The following CHN1 variants were observed in gnomAD, a reference collection of about 807,000 sequenced individuals.
The protein encoded by CHN1 is chimerin 1.
CHN1 carries 37 observed loss-of-function variants against 59.5 expected under a neutral mutation model. The observed-to-expected ratio is 0.62, with a 90% CI of 0.48 to 0.82. CHN1 has a LOEUF of 0.82. Among genes scored for constraint, CHN1 ranks in the 40% least tolerant of loss-of-function variants. The probability of loss-of-function intolerance (pLI) is 0.00; values close to 1 mark genes in which losing one functional copy is unlikely to be tolerated. For synonymous variants in CHN1, 206 were observed against 200.4 expected (o/e 1.03, Z -0.24); for missense variants, 469 against 571.0 (o/e 0.82, Z 1.82).
chr2:174,885,020 G>A (rs1428380467), intron 5 of CHN1, among the ~76,000 whole-genome samples: 1 of 151,968 alleles, frequency 6.6e-6, no homozygotes, highest in Non-Finnish European at 1.5e-5. Context: ...GGGCGCGGTG[G>A]CTCATGCCTG....
intron 5 of CHN1, among the ~76,000 whole-genome samples, chr2:174,904,957 C>T (rs1688501444): frequency 6.6e-6 from 1 of 152,144 alleles, no homozygotes; most frequent in Non-Finnish European, 1.5e-5. Context: ...CATGATCAAT[C>T]TCATGCATTT....
At chr2:174,866,921 T>C (rs1687234875) in intron 6 of CHN1, among the ~76,000 whole-genome samples, 1 of 152,130 alleles carries the variant, frequency 6.6e-6, no homozygotes, top group Non-Finnish European at 1.5e-5. Context: ...TAAATTTTTA[T>C]TAGTTATCCT....
chr2:174,822,998 A>T (rs1685552203), intron 8 of CHN1, among the ~76,000 whole-genome samples: 1 of 152,260 alleles, frequency 6.6e-6, no homozygotes, highest in Non-Finnish European at 1.5e-5. Context: ...TACTAAGGGA[A>T]TAATAACTGA....
chr2:174,922,176 AC>A (rs1689035397), intron 3 of CHN1, among the ~76,000 whole-genome samples: 1 of 152,164 alleles, frequency 6.6e-6, no homozygotes, highest in South Asian at 2.1e-4. Context: ...TTGAGAATAA[AC>A]CTTTGCTTAC....
intron 8 of CHN1, among the ~76,000 whole-genome samples, chr2:174,820,245 C>T (rs1685438259): frequency 1.3e-5 from 2 of 152,178 alleles, no homozygotes; most frequent in African/African-American, 4.8e-5. Context: ...AATCACCACA[C>T]TGACTTCTAC....
chr2:174,926,039 A>C (rs1689156841), intron 3 of CHN1, among the ~76,000 whole-genome samples: 1 of 152,216 alleles, frequency 6.6e-6, no homozygotes, highest in Non-Finnish European at 1.5e-5. Flanking sequence ...AAAAACTTTA[A>C]GTTAATCTAC....
intron 1 of CHN1, among the ~76,000 whole-genome samples, chr2:174,986,922 G>C (rs902099884): frequency 6.6e-6 from 1 of 152,032 alleles, no homozygotes; most frequent in African/African-American, 2.4e-5. Context: ...ATTTTTAGTA[G>C]AGACAGGGTT....
intron 1 of CHN1, among the ~76,000 whole-genome samples, chr2:174,963,653 C>T (rs140678626): frequency 8.9e-4 from 136 of 152,302 alleles, no homozygotes; most frequent in African/African-American, 3.0e-3. Flanking sequence ...CCACAAATAA[C>T]GCACTATGAG....
Position 174,899,229 on chromosome 2 carries a change from G to A in CHN1, c.260+15829C>T, listed in dbSNP as rs139804336. 2.3e-3 allele frequency among the ~76,000 whole-genome samples: 350 copies of A among 152,262 alleles called. 2 individuals carry two copies. The highest frequency in any genetic ancestry group is 8.1e-3 in the African/African-American group (337 of 41,538). Reference sequence around the variant, plus strand: ...AGGGCACTCAGGAGAAGACAGACACGATACATATGAATTAGAAAGAGTCAC... The same window carrying A: ...AGGGCACTCAGGAGAAGACAGACACAATACATATGAATTAGAAAGAGTCAC... On this transcript the variant is annotated intron_variant, in intron 5 of 12. Coordinates refer to ENST00000409900, the MANE Select transcript of CHN1 (RefSeq NM_001822.7).
chr2:174,875,588 G>C (rs1687543615), intron 6 of CHN1, among the ~76,000 whole-genome samples: 1 of 152,174 alleles, frequency 6.6e-6, no homozygotes, highest in South Asian at 2.1e-4. Flanking sequence ...TGTAGAACTA[G>C]AACATAGCTC....
intron 3 of CHN1, among the ~76,000 whole-genome samples, chr2:174,937,808 A>G (rs1322124600): frequency 6.6e-6 from 1 of 152,008 alleles, no homozygotes; most frequent in Non-Finnish European, 1.5e-5. Context: ...TTGCTCCCTC[A>G]GTTACCATGT....
chr2:174,821,527 A>C (rs763719448), intron 8 of CHN1, among the ~76,000 whole-genome samples: 2 of 152,362 alleles, frequency 1.3e-5, no homozygotes, highest in South Asian at 4.1e-4. Flanking sequence ...TATTAAGAGA[A>C]GGGACCTTTC....
chr2:174,842,124 C>A (rs1015701351), intron 7 of CHN1, among the ~76,000 whole-genome samples: 3 of 152,110 alleles, frequency 2.0e-5, no homozygotes, highest in African/African-American at 7.2e-5. Flanking sequence ...AACCAAAGGT[C>A]CCCCGCATGT....
intron 3 of CHN1, among the ~76,000 whole-genome samples, chr2:174,922,589 G>A (rs1244220261): frequency 1.4e-4 from 21 of 152,098 alleles, no homozygotes; most frequent in Admixed American, 1.4e-3. Context: ...TACTCAGGAG[G>A]CTGAGATGAG....
chr2:174,980,735 T>C (rs991001402), intron 1 of CHN1, among the ~76,000 whole-genome samples: 2 of 152,210 alleles, frequency 1.3e-5, no homozygotes, highest in Non-Finnish European at 2.9e-5. Context: ...TTTTTTTAAA[T>C]GTGTAGATTG....
At chr2:174,817,694 G>A (rs1425135274) in intron 8 of CHN1, among the ~76,000 whole-genome samples, 1 of 148,838 alleles carries the variant, frequency 6.7e-6, no homozygotes, top group East Asian at 2.0e-4. Flanking sequence ...CTGGAGTGCA[G>A]TGGCGCGATC....
intron 7 of CHN1, among the ~76,000 whole-genome samples, chr2:174,827,337 T>C (rs1685721234): frequency 6.6e-6 from 1 of 152,176 alleles, no homozygotes; most frequent in South Asian, 2.1e-4. Context: ...CTAAACACAG[T>C]GTGAAAATAT....
rs139219937 is a variant in CHN1 at position 174,996,633 on chromosome 2, A to G, written c.19+8261T>C. On this transcript the variant is annotated intron_variant, in intron 1 of 12. Transcript: ENST00000409900. The stretch of plus-strand genomic sequence containing the variant: ...ACCAAATCCAAGCTCTTTCCACTAC[A>G]CTACATGCTACGAAAGTACCATCCT... Among the ~76,000 whole-genome samples the G allele has an allele frequency of 3.7e-3, 569 of 152,164 alleles. 4 individuals are homozygous for G. Among genetic ancestry groups the G allele is most frequent in the African/African-American group, 0.013 (545 of 41,506 alleles).
intron 2 of CHN1, among the ~76,000 whole-genome samples, chr2:174,950,936 C>T (rs186641131): frequency 1.9e-3 from 289 of 152,092 alleles, no homozygotes; most frequent in Admixed American, 3.1e-3. Context: ...TGTGCCATCA[C>T]GCCTAGCTAA....
Sources: allele counts gnomAD v4.1 joint callset (sites outside exome capture counted in the v4.1 genomes callset), GRCh38; gene constraint gnomAD v4.1.1; transcripts MANE v1.5; gene names NCBI Gene and HGNC (gene_info 2026-07-23, HGNC 2026-07-21).